Variants in NR2F1-AS1 observed in about 807,000 individuals in gnomAD.
The protein encoded by NR2F1-AS1 is NR2F1 regulatory antisense RNA 1.
intron 1 of NR2F1-AS1, among the ~76,000 whole-genome samples, chr5:93,574,773 G>GA (rs1463689731): frequency 1.3e-5 from 2 of 152,186 alleles, no homozygotes; most frequent in African/African-American, 4.8e-5. Flanking sequence ...ACAGTGAGTG[G>GA]AAAAAATGTG....
chr5:93,440,220 A>T (rs79006747), intron 4 of NR2F1-AS1, among the ~76,000 whole-genome samples: 2,486 of 146,180 alleles, frequency 0.017, 56 homozygotes, highest in East Asian at 0.049. Context: ...TCTCTCTCTC[A>T]CACACACACA....
chr5:93,527,216 G>C (rs1055070866), intron 4 of NR2F1-AS1, among the ~76,000 whole-genome samples: 1 of 152,118 alleles, frequency 6.6e-6, no homozygotes. Context: ...GACAGACAGA[G>C]CCAAATCATG....
rs905766959 is a variant in NR2F1-AS1 at position 93,579,028 on chromosome 5, C to G, written n.313+1439G>C. Among the ~76,000 whole-genome samples, 9 of 152,184 alleles carry G rather than the reference C, an allele frequency of 5.9e-5. No homozygotes were observed. The highest frequency in any genetic ancestry group is 2.2e-4 in the African/African-American group (9 of 41,452). ...GAAGACATTTTTGCTGGAGGCAGGG[C>G]TATGAGCACAAGTGGGGCGCCCTGT... On this transcript the variant is annotated intron_variant and non_coding_transcript_variant, in intron 1 of 5. Transcript: ENST00000660523. The surrounding 1 kb of genome is among the most constrained non-coding windows in gnomAD (Gnocchi z 5.1).
chr5:93,565,457 TA>T (rs1296123491), intron 1 of NR2F1-AS1, among the ~76,000 whole-genome samples: 2 of 151,802 alleles, frequency 1.3e-5, no homozygotes, highest in Non-Finnish European at 2.9e-5. Flanking sequence ...TTAGAACATG[TA>T]AAAAAAAGTA....
chr5:93,451,588 AG>A (rs1304087984), intron 4 of NR2F1-AS1, among the ~76,000 whole-genome samples: 1 of 151,884 alleles, frequency 6.6e-6, no homozygotes, highest in Non-Finnish European at 1.5e-5. Context: ...TTTTTTGTAG[AG>A]GGGGGGTTCT....
At chr5:93,449,255 A>ATCCT (rs1425600133) in intron 4 of NR2F1-AS1, among the ~76,000 whole-genome samples, 3 of 152,126 alleles carry the variant, frequency 2.0e-5, no homozygotes, top group South Asian at 4.1e-4. Flanking sequence ...GCTAGATTAC[A>ATCCT]TCCTTTTCTT....
chr5:93,534,618 T>C (rs1751801977), intron 4 of NR2F1-AS1, among the ~76,000 whole-genome samples: 1 of 152,178 alleles, frequency 6.6e-6, no homozygotes, highest in South Asian at 2.1e-4. Context: ...TGTCCATAAA[T>C]ACATTCTTAA....
At chr5:93,564,809 T>C (rs1752578853) in intron 1 of NR2F1-AS1, among the ~76,000 whole-genome samples, 1 of 152,162 alleles carries the variant, frequency 6.6e-6, no homozygotes, top group African/African-American at 2.4e-5. Flanking sequence ...AACTGTAGAG[T>C]AAGAAGCCTA....
chr5:93,452,278 T>C (rs1349367656), intron 4 of NR2F1-AS1, among the ~76,000 whole-genome samples: 1 of 152,216 alleles, frequency 6.6e-6, no homozygotes, highest in Non-Finnish European at 1.5e-5. Context: ...GAGAACTGCC[T>C]TCCAATCATA....
At chr5:93,523,593 T>C (rs745590565) in intron 4 of NR2F1-AS1, among the ~76,000 whole-genome samples, 2 of 152,064 alleles carry the variant, frequency 1.3e-5, no homozygotes, top group African/African-American at 2.4e-5. Context: ...AGACACCTCA[T>C]AAAGAAGAGC....
At chr5:93,565,289 G>C (rs1350542598) in intron 1 of NR2F1-AS1, among the ~76,000 whole-genome samples, 1 of 152,118 alleles carries the variant, frequency 6.6e-6, no homozygotes, top group African/African-American at 2.4e-5. Flanking sequence ...AGACCATAGA[G>C]GCCTACCCCC....
intron 4 of NR2F1-AS1, among the ~76,000 whole-genome samples, chr5:93,492,121 T>G (rs529626680): frequency 1.3e-3 from 204 of 152,318 alleles, no homozygotes; most frequent in Non-Finnish European, 1.9e-3. Flanking sequence ...GAGATATTAG[T>G]ATTGACCTTT....
At chr5:93,461,507 A>T (rs189675971) in intron 4 of NR2F1-AS1, among the ~76,000 whole-genome samples, 17 of 151,686 alleles carry the variant, frequency 1.1e-4, no homozygotes, top group African/African-American at 2.2e-4. Flanking sequence ...GTGGGAAATT[A>T]AAAAAAAATT....
upstream of NR2F1-AS1, chr5:93,581,316 G>C (rs1017380571): frequency 3.3e-5 from 5 of 152,234 alleles, no homozygotes; most frequent in Non-Finnish European, 7.4e-5. Flanking sequence ...GCGCGGCTCC[G>C]CGCCCGCCTG....
At chr5:93,494,610 A>G (rs1750921195) in intron 4 of NR2F1-AS1, among the ~76,000 whole-genome samples, 2 of 152,138 alleles carry the variant, frequency 1.3e-5, no homozygotes, top group South Asian at 4.1e-4. Flanking sequence ...GCAAGACTCC[A>G]TCTCAAAAGA....
chr5:93,527,398 G>A lies in NR2F1-AS1; in HGVS notation n.638+26363C>T, dbSNP rs182509295. Among the ~76,000 whole-genome samples, 47 of 152,174 alleles carry A rather than the reference G, an allele frequency of 3.1e-4. 1 individual carries two copies. Among genetic ancestry groups the A allele is most frequent in the African/African-American group, 1.1e-3 (45 of 41,538 alleles). On this transcript the variant is annotated intron_variant and non_coding_transcript_variant, in intron 4 of 5. Coordinates refer to ENST00000660523, the Ensembl canonical transcript of NR2F1-AS1. ...ATGCTCATGGATAGGAAGAATCAAT[G>A]TCATGAAAATGGCTATAATGCCAAA...
chr5:93,433,376 T>C (rs1361661247), intron 4 of NR2F1-AS1, among the ~76,000 whole-genome samples: 1 of 152,218 alleles, frequency 6.6e-6, no homozygotes, highest in African/African-American at 2.4e-5. Flanking sequence ...CTTCAAATTC[T>C]GTTCTTCTCA....
intron 4 of NR2F1-AS1, among the ~76,000 whole-genome samples, chr5:93,508,344 C>T (rs1751229353): frequency 6.6e-6 from 1 of 151,854 alleles, no homozygotes; most frequent in Admixed American, 6.6e-5. Flanking sequence ...TGTTGGTACG[C>T]TATATTAGAA....
At chr5:93,456,616 A>T (rs1048726209) in intron 4 of NR2F1-AS1, among the ~76,000 whole-genome samples, 8 of 152,166 alleles carry the variant, frequency 5.3e-5, no homozygotes, top group Admixed American at 1.3e-4. Context: ...AAATGAAAAT[A>T]CAAAATAACT....
Sources: gnomAD v4.1 joint callset for allele counts (sites outside exome capture counted in the v4.1 genomes callset) on GRCh38, gnomAD v4.1.1 for gene constraint, Gnocchi (gnomAD v3.1) non-coding constraint, MANE v1.5 for transcripts, NCBI Gene and HGNC (gene_info 2026-07-23, HGNC 2026-07-21) for gene names.